Variants in TASP1 observed in about 807,000 individuals in gnomAD.
TASP1 encodes taspase 1, also known as threonine aspartase 1.
A neutral mutation model predicts 56.6 loss-of-function variants in TASP1; 16 were observed. The observed-to-expected ratio is 0.28, with a 90% CI of 0.19 to 0.43. The LOEUF is 0.43. TASP1 is among the 20% of genes least tolerant of loss of function. The pLI, the probability that TASP1 is intolerant of heterozygous loss-of-function variation, is 1.00. For missense variants in TASP1, 393 were observed against 511.6 expected (o/e 0.77, Z 2.24); for synonymous variants, 179 against 184.2 (o/e 0.97, Z 0.23).
At chr20:13,606,550 G>A (rs1199574419) in intron 4 of TASP1, among the ~76,000 whole-genome samples, 1 of 152,150 alleles carries the variant, frequency 6.6e-6, no homozygotes, top group Non-Finnish European at 1.5e-5. Flanking sequence ...GCTCACACCT[G>A]TAATCCCAGC....
At chr20:13,420,452 C>T (rs190086649) in intron 12 of TASP1, among the ~76,000 whole-genome samples, 60 of 152,270 alleles carry the variant, frequency 3.9e-4, no homozygotes, top group Admixed American at 3.5e-3. Context: ...TATCCCATCC[C>T]ACAGTAAAAG....
intron 11 of TASP1, among the ~76,000 whole-genome samples, chr20:13,446,146 T>C (rs572483842): frequency 6.6e-6 from 1 of 152,172 alleles, no homozygotes; most frequent in Admixed American, 6.5e-5. Flanking sequence ...TGGTCAAGCA[T>C]CCTCTCTGAG....
At chr20:13,627,390 T>G (rs974816287) in intron 2 of TASP1, among the ~76,000 whole-genome samples, 3 of 152,216 alleles carry the variant, frequency 2.0e-5, no homozygotes, top group African/African-American at 7.2e-5. Context: ...TCAGAGTTCC[T>G]ACTCTTCTTG....
chr20:13,181,384 G>A, the TASP1 span, among the ~76,000 whole-genome samples: 1 of 152,042 alleles, frequency 6.6e-6, no homozygotes, highest in Non-Finnish European at 1.5e-5. Context: ...CTCCTCCCAC[G>A]TAAACTCCTG....
chr20:13,559,998 G>A (rs2046288955), intron 7 of TASP1, among the ~76,000 whole-genome samples: 1 of 152,094 alleles, frequency 6.6e-6, no homozygotes, highest in African/African-American at 2.4e-5. Context: ...CTCAGAGAAA[G>A]AAAAGAAAGA....
At chr20:13,191,366 A>T in the TASP1 span, among the ~76,000 whole-genome samples, 2 of 152,212 alleles carry the variant, frequency 1.3e-5, no homozygotes, top group Admixed American at 6.5e-5. Flanking sequence ...TGAATGGATG[A>T]GGAAAATGTA....
At position 13,402,834 on chromosome 20, in the gene TASP1, T is replaced by C. The variant is rs552370126; in HGVS notation, c.1171-12382A>G. ...AGGGATTCATGGTCAATACATCCTG[T>C]AGGTGTTCCACTGCCCAGTGCTCAG... On this transcript the variant is annotated intron_variant, in intron 13 of 13. Transcript: ENST00000337743. Among the ~76,000 whole-genome samples the C allele has an allele frequency of 9.2e-5, 14 of 152,342 alleles. No individual in the cohort carries two copies. The South Asian group carries it at 2.9e-3, about 32-fold the overall frequency.
chr20:13,115,743 C>A, the TASP1 span, among the ~76,000 whole-genome samples: 3 of 152,112 alleles, frequency 2.0e-5, no homozygotes, highest in Non-Finnish European at 2.9e-5. Context: ...CTAAGCTCCT[C>A]CTCCTGAGGG....
At chr20:13,393,369 T>G (rs1246055884) in intron 13 of TASP1, 2 of 745,894 alleles carry the variant, frequency 2.7e-6, no homozygotes, top group African/African-American at 3.5e-5. Context: ...TGGCATGGCC[T>G]TCCATGTCCC....
intron 13 of TASP1, among the ~76,000 whole-genome samples, chr20:13,414,839 A>G (rs1003963625): frequency 4.6e-5 from 7 of 152,170 alleles, no homozygotes; most frequent in African/African-American, 1.7e-4. Context: ...GACTTGTAAA[A>G]GAACCTACCT....
chr20:13,119,441 C>T, the TASP1 span, among the ~76,000 whole-genome samples: 2 of 152,154 alleles, frequency 1.3e-5, no homozygotes, highest in Non-Finnish European at 2.9e-5. Flanking sequence ...AAGATGTAGG[C>T]GTTCTTGTCC....
At chr20:13,621,217 A>G (rs1298594722) in intron 4 of TASP1, among the ~76,000 whole-genome samples, 2 of 151,954 alleles carry the variant, frequency 1.3e-5, no homozygotes, top group Non-Finnish European at 2.9e-5. Flanking sequence ...TGAGCTCAAG[A>G]GTTCAAGACC....
the TASP1 span, among the ~76,000 whole-genome samples, chr20:13,318,563 T>C: frequency 1.3e-5 from 2 of 152,250 alleles, no homozygotes; most frequent in Non-Finnish European, 1.5e-5. Context: ...TTATTCATAA[T>C]TGACAAAACT....
chr20:13,597,525 T>C (rs6033767), intron 4 of TASP1, among the ~76,000 whole-genome samples: 67,525 of 151,972 alleles, frequency 0.44, 16,599 homozygotes, highest in African/African-American at 0.66. Context: ...ACTGATGGAA[T>C]GTATCTCAAA....
At chr20:13,512,314 G>A (rs1052423869) in intron 10 of TASP1, among the ~76,000 whole-genome samples, 5 of 152,004 alleles carry the variant, frequency 3.3e-5, no homozygotes, top group Admixed American at 3.3e-4. Context: ...GGTGTGAGAT[G>A]GTATCTCATT....
the TASP1 span, among the ~76,000 whole-genome samples, chr20:13,241,355 A>G: frequency 1.3e-5 from 2 of 152,238 alleles, no homozygotes; most frequent in African/African-American, 2.4e-5. Context: ...TGGTTCATGT[A>G]AGATCAGAGA....
intron 11 of TASP1, among the ~76,000 whole-genome samples, chr20:13,439,462 C>T (rs930818873): frequency 6.6e-6 from 1 of 152,032 alleles, no homozygotes; most frequent in Non-Finnish European, 1.5e-5. Context: ...ACAATGAGAA[C>T]ACATGGACAC....
chr20:13,331,955 C>T, the TASP1 span, among the ~76,000 whole-genome samples: 12 of 152,118 alleles, frequency 7.9e-5, no homozygotes, highest in East Asian at 2.3e-3. Context: ...TTAATTGACC[C>T]ATTTAATATA....
At chr20:13,458,490 G>A (rs778416200) in intron 11 of TASP1, among the ~76,000 whole-genome samples, 11 of 151,970 alleles carry the variant, frequency 7.2e-5, no homozygotes, top group Non-Finnish European at 1.2e-4. Flanking sequence ...TGGGATTACA[G>A]GTGCCCCCCA....
Sources: gnomAD v4.1 joint callset for allele counts (sites outside exome capture counted in the v4.1 genomes callset) on GRCh38, gnomAD v4.1.1 for gene constraint, MANE v1.5 for transcripts, NCBI Gene and HGNC (gene_info 2026-07-23, HGNC 2026-07-21) for gene names.